The following SLIT2 variants were observed in gnomAD, a reference collection of about 807,000 sequenced individuals.
SLIT2 encodes the protein slit guidance ligand 2, also known as slit homolog 2 protein.
Under a neutral mutation model 185.7 loss-of-function variants are expected in SLIT2, and 41 were observed. The ratio of observed to expected loss-of-function variants is 0.22; its 90% confidence interval spans 0.17 to 0.29. The LOEUF is 0.29. SLIT2 is among the 10% of genes least tolerant of loss of function. The probability of loss-of-function intolerance (pLI) is 1.00; values close to 1 mark genes in which losing one functional copy is unlikely to be tolerated. For missense variants in SLIT2, 1,571 were observed against 1,909.0 expected (o/e 0.82, Z 3.30); for synonymous variants, 693 against 680.2 (o/e 1.02, Z -0.29).
Position 20,556,215 on chromosome 4 carries a change from G to A in SLIT2, c.2725+2247G>A, listed in dbSNP as rs187962182. 3.3e-3 allele frequency among the ~76,000 whole-genome samples: 505 copies of A among 151,980 alleles called. 10 individuals carry two copies. In the South Asian group the frequency reaches 0.042, roughly 13 times the overall value. On this transcript the variant is annotated intron_variant, in intron 26 of 36. Coordinates refer to ENST00000504154, the MANE Select transcript of SLIT2 (RefSeq NM_004787.4). Reference sequence around the variant, plus strand: ...TCCTGTGATAAGTTTCTGGTGGGCTGAGAAGTATATCATTATTTTGTAAAG... The same window carrying A: ...TCCTGTGATAAGTTTCTGGTGGGCTAAGAAGTATATCATTATTTTGTAAAG...
chr4:20,295,710 T>C (rs369608097), intron 4 of SLIT2, among the ~76,000 whole-genome samples: 4 of 152,178 alleles, frequency 2.6e-5, no homozygotes, highest in East Asian at 3.9e-4. Context: ...CAAGGAAATA[T>C]ATTGAAAGAT....
chr4:20,356,553 A>G (rs1427228364), intron 4 of SLIT2, among the ~76,000 whole-genome samples: 1 of 152,210 alleles, frequency 6.6e-6, no homozygotes, highest in Non-Finnish European at 1.5e-5. Context: ...ATAGTGTCCA[A>G]TGCATTTAAA....
chr4:20,578,463 C>A (rs1378995139), intron 29 of SLIT2, among the ~76,000 whole-genome samples: 1 of 152,076 alleles, frequency 6.6e-6, no homozygotes. Flanking sequence ...AGATTGCCAT[C>A]CTAAATTTCT....
chr4:20,337,040 T>C (rs1720565307), intron 4 of SLIT2, among the ~76,000 whole-genome samples: 2 of 152,140 alleles, frequency 1.3e-5, no homozygotes, highest in African/African-American at 4.8e-5. Flanking sequence ...TTTCAGAGTA[T>C]TTTATTAGAA....
intron 4 of SLIT2, among the ~76,000 whole-genome samples, chr4:20,461,227 G>A (rs1161594437): frequency 6.6e-6 from 1 of 152,156 alleles, no homozygotes; most frequent in Non-Finnish European, 1.5e-5. Context: ...GAACGATATG[G>A]AAGATCATAT....
At chr4:20,481,004 A>T (rs2168800) in intron 6 of SLIT2, among the ~76,000 whole-genome samples, 5,552 of 152,178 alleles carry the variant, frequency 0.036, 131 homozygotes, top group East Asian at 0.058. Context: ...GTGTAAGGTC[A>T]CTCAAATGTT....
chr4:20,281,517 G>A (rs1440963963), intron 4 of SLIT2, among the ~76,000 whole-genome samples: 1 of 152,188 alleles, frequency 6.6e-6, no homozygotes, highest in Admixed American at 6.5e-5. Context: ...GAAGGCAAAG[G>A]AATCTGGAGT....
rs2148991442 is a variant in SLIT2 at position 20,617,583 on chromosome 4, G to A, written c.4281G>A (p.Arg1427=). The change falls in exon 36 of 37, where the codon AGG becomes AGA. Residue 1427 remains arginine (R), a synonymous_variant. Coordinates refer to ENST00000504154, the MANE Select transcript of SLIT2 (RefSeq NM_004787.4). ...TCAAGTGCAAGCATGGGAAGTGCAG[G>A]CTTTCAGGTCTGGGGCAGCCCTACT... ...QAIKCKHGKC[R]LSGLGQPYCE... 5 of 1,613,702 alleles carry A rather than the reference G, an allele frequency of 3.1e-6. No homozygotes were observed. The highest frequency in any genetic ancestry group is 4.2e-6 in the Non-Finnish European group (5 of 1,179,958).
chr4:20,585,098 A>G (rs553450280), intron 29 of SLIT2, among the ~76,000 whole-genome samples: 78 of 152,150 alleles, frequency 5.1e-4, no homozygotes, highest in African/African-American at 1.9e-3. Context: ...AACAACCTCT[A>G]TGTCAAAAAG....
chr4:20,550,970 G>A (rs1723696081), intron 25 of SLIT2, 72 bp downstream of exon 25: 8 of 815,014 alleles, frequency 9.8e-6, no homozygotes, highest in Non-Finnish European at 1.0e-5. Context: ...ACATTCCTCT[G>A]CCAGTTATTT....
At chr4:20,255,108 G>A (rs1193763249) in intron 1 of SLIT2, 4 of 454,474 alleles carry the variant, frequency 8.8e-6, no homozygotes, top group Admixed American at 7.1e-5. Context: ...CGTGTGGGCC[G>A]GGAGTAAGCG....
intron 3 of SLIT2, 47 bp downstream of exon 3, chr4:20,257,986 T>TA: frequency 1.1e-6 from 1 of 896,352 alleles, no homozygotes; most frequent in African/African-American, 1.7e-5. Flanking sequence ...CTGTGTTTTT[T>TA]AAAAATACTT....
chr4:20,471,293 G>A (rs369545055), intron 5 of SLIT2, among the ~76,000 whole-genome samples: 8 of 151,996 alleles, frequency 5.3e-5, no homozygotes, highest in Admixed American at 1.3e-4. Flanking sequence ...GAAAACTTAC[G>A]AAGGCTATCT....
At chr4:20,359,042 C>T (rs894176803) in intron 4 of SLIT2, among the ~76,000 whole-genome samples, 1 of 152,062 alleles carries the variant, frequency 6.6e-6, no homozygotes, top group Non-Finnish European at 1.5e-5. Flanking sequence ...CGTTTCTTGC[C>T]AAGCCCACAG....
At chr4:20,486,129 C>G in intron 6 of SLIT2, 71 bp from the exon 7 acceptor site, 1 of 938,978 alleles carries the variant, frequency 1.1e-6, no homozygotes, top group East Asian at 2.5e-5. Context: ...GACGTTTTCT[C>G]TATGTTAATA....
chr4:20,497,676 T>C (rs1718346143), intron 9 of SLIT2, among the ~76,000 whole-genome samples: 1 of 152,148 alleles, frequency 6.6e-6, no homozygotes, highest in Non-Finnish European at 1.5e-5. Context: ...CTTACCACAG[T>C]TTAACTTGTT....
At chr4:20,480,817 A>G in intron 6 of SLIT2, 30 bp downstream of exon 6, 1 of 1,539,708 alleles carries the variant, frequency 6.5e-7, no homozygotes. Context: ...TTGCTCTTTT[A>G]ACGGGGGCTT....
intron 4 of SLIT2, among the ~76,000 whole-genome samples, chr4:20,402,012 A>G (rs931445428): frequency 1.3e-5 from 2 of 151,786 alleles, no homozygotes; most frequent in African/African-American, 2.4e-5. Flanking sequence ...TTGAATACGT[A>G]TTCCTCCTTT....
At chr4:20,511,599 T>TTTTTTTTTTTTTTTTTTTTA (rs1370895657) in intron 11 of SLIT2, among the ~76,000 whole-genome samples, 1 of 142,160 alleles carries the variant, frequency 7.0e-6, no homozygotes, top group East Asian at 2.2e-4. Flanking sequence ...TTTTTTTTTT[T>TTTTTTTTTTTTTTTTTTTTA]TTTTATTTTT....
Sources: allele counts gnomAD v4.1 joint callset (sites outside exome capture counted in the v4.1 genomes callset), GRCh38; gene constraint gnomAD v4.1.1; transcripts MANE v1.5; gene names NCBI Gene and HGNC (gene_info 2026-07-23, HGNC 2026-07-21).